WWOX: variants seen among roughly 807,000 people sequenced by gnomAD.
WWOX encodes the protein WW domain-containing oxidoreductase.
WWOX carries 69 observed loss-of-function variants against 46.2 expected under a neutral mutation model. That is an observed-to-expected ratio of 1.49 (90% CI 1.23 to 1.82). The LOEUF is 1.82. WWOX is among the 40% of genes most tolerant of loss of function. The pLI, the probability that WWOX is intolerant of heterozygous loss-of-function variation, is 0.00. For synonymous variants in WWOX, 359 were observed against 202.6 expected (o/e 1.77, Z -6.56); for missense variants, 919 against 542.6 (o/e 1.69, Z -6.89).
At chr16:78,575,662 G>A (rs1295875058) in intron 8 of WWOX, among the ~76,000 whole-genome samples, 1 of 152,130 alleles carries the variant, frequency 6.6e-6, no homozygotes, top group Admixed American at 6.5e-5. Flanking sequence ...AGTTTTGAAA[G>A]CCTAGCCTGA....
At chr16:78,604,272 C>G (rs1325812229) in intron 8 of WWOX, among the ~76,000 whole-genome samples, 1 of 152,192 alleles carries the variant, frequency 6.6e-6, no homozygotes, top group Non-Finnish European at 1.5e-5. Flanking sequence ...CTTATTTTCT[C>G]TACCACACCA....
chr16:78,651,408 G>A (rs962821185), intron 8 of WWOX, among the ~76,000 whole-genome samples: 3 of 152,214 alleles, frequency 2.0e-5, no homozygotes, highest in Non-Finnish European at 2.9e-5. Context: ...GCTATTCAGT[G>A]TTTTACTCTG....
chr16:78,283,000 G>T (rs1392883447), intron 5 of WWOX, among the ~76,000 whole-genome samples: 2 of 151,976 alleles, frequency 1.3e-5, no homozygotes, highest in Admixed American at 6.6e-5. Context: ...AGCAGAGTTG[G>T]TCCTGACTGA....
chr16:78,228,915 G>T (rs531132972), intron 5 of WWOX, among the ~76,000 whole-genome samples: 125 of 152,224 alleles, frequency 8.2e-4, no homozygotes, highest in African/African-American at 2.8e-3. Flanking sequence ...ATCCTTTGTG[G>T]TGATTATGCG....
In WWOX at chr16:78,420,910, A is replaced by G. The variant is rs189722473; in HGVS notation, c.606-3960A>G. On this transcript the variant is annotated intron_variant, in intron 6 of 8. Transcript: ENST00000566780. ...ATATCTGGAAATCTTTTCGTGGGGT[A>G]TGGGGTATGAATCACACATATTAAT... is the stretch of plus-strand genomic sequence containing the variant. 4.8e-3 allele frequency among the ~76,000 whole-genome samples: 736 copies of G among 152,214 alleles called. 2 individuals carry two copies. Among genetic ancestry groups the G allele is most frequent in the Middle Eastern group, 0.01 (3 of 294 alleles).
intron 8 of WWOX, among the ~76,000 whole-genome samples, chr16:78,727,419 C>T (rs1013043840): frequency 1.3e-5 from 2 of 152,116 alleles, no homozygotes; most frequent in African/African-American, 2.4e-5. Context: ...TCCTCATCAG[C>T]GTGCCTTTGA....
chr16:78,497,482 T>C (rs2084945559), intron 8 of WWOX, among the ~76,000 whole-genome samples: 1 of 151,948 alleles, frequency 6.6e-6, no homozygotes, highest in South Asian at 2.1e-4. Flanking sequence ...TACAACAATC[T>C]AAAAAATTTC....
intron 8 of WWOX, among the ~76,000 whole-genome samples, chr16:78,615,892 A>G (rs1371586193): frequency 1.3e-5 from 2 of 151,812 alleles, no homozygotes; most frequent in Admixed American, 6.6e-5. Flanking sequence ...TTGGGACTAC[A>G]GGCGCCCGCC....
intron 4 of WWOX, among the ~76,000 whole-genome samples, chr16:78,124,655 G>T (rs969314759): frequency 6.6e-6 from 1 of 152,162 alleles, no homozygotes; most frequent in African/African-American, 2.4e-5. Flanking sequence ...GCTGGTCTCA[G>T]TCTACACAAG....
intron 8 of WWOX, among the ~76,000 whole-genome samples, chr16:78,754,515 A>G (rs1402833058): frequency 9.9e-5 from 15 of 152,072 alleles, no homozygotes; most frequent in Admixed American, 9.8e-4. Context: ...TCCTGCTCTT[A>G]AGGTTTTTTG....
intron 5 of WWOX, among the ~76,000 whole-genome samples, chr16:78,317,232 A>G (rs1376541698): frequency 6.6e-6 from 1 of 152,162 alleles, no homozygotes; most frequent in Non-Finnish European, 1.5e-5. Flanking sequence ...GGGGTGAACA[A>G]CTGCAGGAAC....
chr16:78,369,669 C>G (rs1356822295), intron 5 of WWOX, among the ~76,000 whole-genome samples: 2 of 151,926 alleles, frequency 1.3e-5, no homozygotes, highest in Non-Finnish European at 2.9e-5. Context: ...GGACCAATTT[C>G]TCCAGAAAGG....
intron 8 of WWOX, among the ~76,000 whole-genome samples, chr16:78,838,852 G>T (rs1281010112): frequency 6.6e-6 from 1 of 152,070 alleles, no homozygotes; most frequent in Non-Finnish European, 1.5e-5. Flanking sequence ...CAAAAGAGAA[G>T]AAAAGAGAAG....
intron 8 of WWOX, among the ~76,000 whole-genome samples, chr16:78,878,220 C>T (rs1214655398): frequency 6.6e-6 from 1 of 152,158 alleles, no homozygotes; most frequent in Non-Finnish European, 1.5e-5. Context: ...TGAGCCACAA[C>T]TCCTTAGCCT....
intron 8 of WWOX, among the ~76,000 whole-genome samples, chr16:78,664,473 G>A (rs1232211785): frequency 1.3e-5 from 2 of 152,202 alleles, no homozygotes; most frequent in African/African-American, 4.8e-5. Context: ...ATCATTACCA[G>A]CCTGTACCCT....
At chr16:79,031,124 A>G (rs920388441) in intron 8 of WWOX, among the ~76,000 whole-genome samples, 5 of 151,098 alleles carry the variant, frequency 3.3e-5, no homozygotes, top group African/African-American at 1.2e-4. Context: ...GTAGGAAACT[A>G]TATAAACACT....
At chr16:78,937,965 T>C (rs1432178495) in intron 8 of WWOX, among the ~76,000 whole-genome samples, 1 of 152,148 alleles carries the variant, frequency 6.6e-6, no homozygotes, top group East Asian at 1.9e-4. Context: ...GTGTTCAGTG[T>C]TTTCTTATTC....
intron 7 of WWOX, among the ~76,000 whole-genome samples, chr16:78,429,375 C>A (rs946714092): frequency 6.6e-6 from 1 of 152,198 alleles, no homozygotes; most frequent in Non-Finnish European, 1.5e-5. Flanking sequence ...ATCTGCCTTG[C>A]ATGGCTTCTT....
At chr16:78,252,999 A>G (rs1352198728) in intron 5 of WWOX, among the ~76,000 whole-genome samples, 4 of 152,220 alleles carry the variant, frequency 2.6e-5, no homozygotes, top group Non-Finnish European at 5.9e-5. Context: ...CAGTAATATC[A>G]TCTATTTACG....
Sources: allele counts gnomAD v4.1 joint callset (sites outside exome capture counted in the v4.1 genomes callset), GRCh38; gene constraint gnomAD v4.1.1; transcripts MANE v1.5; gene names NCBI Gene and HGNC (gene_info 2026-07-23, HGNC 2026-07-21).